The following ACACA variants were observed in gnomAD, a reference collection of about 807,000 sequenced individuals.
ACACA encodes the protein acetyl-CoA carboxylase alpha.
Under a neutral mutation model 296.1 loss-of-function variants are expected in ACACA, and 103 were observed. The ratio of observed to expected loss-of-function variants is 0.35; its 90% CI spans 0.30 to 0.41. The LOEUF is 0.41. Ranked by LOEUF, ACACA falls within the 10% of genes least tolerant of loss-of-function variation. The probability of loss-of-function intolerance (pLI) is 1.00; values close to 1 mark genes in which losing one functional copy is unlikely to be tolerated. For missense variants in ACACA, 1,554 were observed against 2,989.7 expected, an observed-to-expected ratio of 0.52 and a Z score of 11.20; for synonymous variants, 953 against 1,038.6, an observed-to-expected ratio of 0.92 and a Z score of 1.58.
chr17:37,190,862 G>T (rs550751129), intron 38 of ACACA, among the ~76,000 whole-genome samples: 4 of 152,146 alleles, frequency 2.6e-5, no homozygotes, highest in East Asian at 1.9e-4. Context: ...ATGTTTTCAT[G>T]TTTTTGTACT....
At chr17:37,203,931 C>G (rs1036768892) in intron 33 of ACACA, among the ~76,000 whole-genome samples, 1 of 152,216 alleles carries the variant, frequency 6.6e-6, no homozygotes, top group Non-Finnish European at 1.5e-5. Context: ...TTTCCTCATA[C>G]TGACCACTGC....
At chr17:37,357,224 G>A (rs1201644121) in intron 1 of ACACA, among the ~76,000 whole-genome samples, 3 of 152,284 alleles carry the variant, frequency 2.0e-5, no homozygotes, top group Non-Finnish European at 1.5e-5. Context: ...CTGGCGTGGT[G>A]GCTCATGCCT....
At chr17:37,373,533 A>G (rs57146243) in intron 1 of ACACA, among the ~76,000 whole-genome samples, 3,193 of 152,314 alleles carry the variant, frequency 0.021, 91 homozygotes, top group East Asian at 0.19. Flanking sequence ...GGTGTGAACT[A>G]CCGTGCCTGG....
chr17:37,331,927 C>T (rs1393008146), intron 2 of ACACA, among the ~76,000 whole-genome samples: 1 of 151,860 alleles, frequency 6.6e-6, no homozygotes, highest in African/African-American at 2.4e-5. Flanking sequence ...TACTTGTCCT[C>T]ATGAGTTTTT....
At chr17:37,166,266 G>T (rs987812985) in intron 41 of ACACA, among the ~76,000 whole-genome samples, 26 of 151,970 alleles carry the variant, frequency 1.7e-4, no homozygotes, top group Non-Finnish European at 3.4e-4. Context: ...CTGTGTAGCT[G>T]GGACCACAGG....
rs146774996 is a variant in ACACA, at chr17:37,375,867, G to T, written c.38+30395C>A. On this transcript the variant is annotated intron_variant, in intron 1 of 55. Coordinates refer to ENST00000616317, the MANE Select transcript of ACACA (RefSeq NM_198834.3). ...TATGTCGGCACCGGCAGCGAAGTCA[G>T]AAGAAGTCTGAGTGAATTATTAATA... is the stretch of plus-strand genomic sequence containing the variant. The T allele has an allele frequency of 5.0e-5, 24 of 475,448 alleles. No homozygotes were observed. The Admixed American group carries it at 8.5e-4, about 17-fold the overall frequency. The allele number at this position is 475,448 out of a possible 1,614,324, so 29.5% of individuals were successfully genotyped here. A position where few individuals can be genotyped will look rare whatever the true frequency, so the allele number is the denominator to read the frequency against.
chr17:37,342,819 T>C (rs2048446618), intron 1 of ACACA, among the ~76,000 whole-genome samples: 1 of 150,040 alleles, frequency 6.7e-6, no homozygotes, highest in African/African-American at 2.4e-5. Context: ...CACATGCCCA[T>C]GGTCCCAGCT....
intron 28 of ACACA, 154 bp from the exon 29 acceptor site, chr17:37,221,996 T>G: frequency 1.5e-6 from 1 of 675,652 alleles, no homozygotes; most frequent in Non-Finnish European, 2.6e-6. Context: ...TATATTGCTT[T>G]AATTAATAAA....
Position 37,125,620 on chromosome 17 carries a change from T to C in ACACA, c.6041+78A>G, listed in dbSNP as rs17848782. On this transcript the variant is annotated intron_variant, in intron 48 of 55. Transcript: ENST00000616317. ...AGACAAAGAGAACATTATTGGTATA[T>C]ATCTATAGAGCCATGGCTCTTTCTT... is the stretch of plus-strand genomic sequence containing the variant. The C allele has an allele frequency of 1.9e-5, 23 of 1,215,758 alleles. No individual in the cohort carries two copies. In the East Asian group the frequency reaches 5.7e-4, roughly 30 times the overall value. 75.3% of individuals were successfully genotyped at this position (1,215,758 alleles called of 1,614,324 possible). A position where few individuals can be genotyped will look rare whatever the true frequency, so the allele number is the denominator to read the frequency against.
intron 33 of ACACA, among the ~76,000 whole-genome samples, chr17:37,202,014 T>G (rs1044686528): frequency 6.6e-6 from 1 of 152,008 alleles, no homozygotes; most frequent in Admixed American, 6.6e-5. Flanking sequence ...TAAATTTTGG[T>G]TTAACTGCAT....
intron 9 of ACACA, among the ~76,000 whole-genome samples, chr17:37,271,473 C>T (rs1034287209): frequency 7.9e-5 from 12 of 152,014 alleles, no homozygotes; most frequent in Admixed American, 7.9e-4. Flanking sequence ...CAAGATCACG[C>T]CATTGCACTC....
At chr17:37,103,887 C>G (rs868394323) in intron 52 of ACACA, among the ~76,000 whole-genome samples, 79 of 152,158 alleles carry the variant, frequency 5.2e-4, no homozygotes, top group African/African-American at 1.8e-3. Context: ...TGCATGCCCC[C>G]CAAAATTAGC....
chr17:37,093,516 G>A (rs1373232712), intron 54 of ACACA, among the ~76,000 whole-genome samples: 1 of 151,934 alleles, frequency 6.6e-6, no homozygotes, highest in Non-Finnish European at 1.5e-5. Context: ...TTTCTTTTTG[G>A]AGACAGGGTC....
At chr17:37,292,122 G>T (rs577268994) in intron 3 of ACACA, among the ~76,000 whole-genome samples, 1 of 152,162 alleles carries the variant, frequency 6.6e-6, no homozygotes, top group East Asian at 1.9e-4. Context: ...GGGATAATAG[G>T]TAATTTTAAA....
At chr17:37,375,338 T>G (rs964970087) in intron 1 of ACACA, among the ~76,000 whole-genome samples, 6 of 151,404 alleles carry the variant, frequency 4.0e-5, no homozygotes, top group Admixed American at 4.0e-4. Flanking sequence ...TACAAAAACA[T>G]TAGCCAGGCA....
At chr17:37,192,937 C>T (rs907193576) in intron 36 of ACACA, among the ~76,000 whole-genome samples, 2 of 152,022 alleles carry the variant, frequency 1.3e-5, no homozygotes, top group African/African-American at 2.4e-5. Flanking sequence ...TTCTGGAATA[C>T]ATGTCAATTG....
chr17:37,217,763 AAC>A (rs1555601624), intron 29 of ACACA, among the ~76,000 whole-genome samples: 25 of 128,984 alleles, frequency 1.9e-4, no homozygotes, highest in African/African-American at 6.4e-4. Context: ...AAAAAAAAAA[AAC>A]AACCTGTTTT....
chr17:37,100,797 T>C (rs2073316662), intron 52 of ACACA, among the ~76,000 whole-genome samples: 1 of 152,094 alleles, frequency 6.6e-6, no homozygotes, highest in East Asian at 1.9e-4. Flanking sequence ...CTAATATTTA[T>C]GAATAAAGAA....
At chr17:37,175,221 G>C (rs1263289073) in intron 41 of ACACA, among the ~76,000 whole-genome samples, 4 of 152,196 alleles carry the variant, frequency 2.6e-5, no homozygotes, top group Non-Finnish European at 5.9e-5. Context: ...GAATAAACAA[G>C]AGCATAGTCT....
Sources: allele counts gnomAD v4.1 joint callset (sites outside exome capture counted in the v4.1 genomes callset), GRCh38; gene constraint gnomAD v4.1.1; transcripts MANE v1.5; gene names NCBI Gene and HGNC (gene_info 2026-07-23, HGNC 2026-07-21).